HDAC3: variants seen among roughly 807,000 people sequenced by gnomAD.
The protein encoded by HDAC3 is SMAP45.
In HDAC3, 21 loss-of-function variants were observed where a neutral mutation model predicts 62.3. That is an observed-to-expected ratio of 0.34 (90% CI 0.24 to 0.49). The LOEUF is 0.49. HDAC3 is among the 20% of genes least tolerant of loss of function. The pLI is 0.99. For synonymous variants in HDAC3, 198 were observed against 206.5 expected (o/e 0.96, Z 0.35); for missense variants, 270 against 556.9 (o/e 0.48, Z 5.19).
chr5:141,627,864 T>C, intron 10 of HDAC3, 29 bp downstream of exon 10: 1 of 1,612,394 alleles, frequency 6.2e-7, no homozygotes, highest in Non-Finnish European at 8.5e-7. Context: ...CTTAAAAACC[T>C]TGGGGAGAAG....
chr5:141,625,895 G>T lies in HDAC3; in HGVS notation c.979+118C>A. ...ATCTCTTCCCTGCTCTGAGCCCAGGGGTTTAGTCTGCAGAGCTCTGAGAGT... is the reference window on the plus strand; with the variant it reads ...ATCTCTTCCCTGCTCTGAGCCCAGGTGTTTAGTCTGCAGAGCTCTGAGAGT... On this transcript the variant is annotated intron_variant, in intron 12 of 14. Coordinates refer to ENST00000305264, the MANE Select transcript of HDAC3 (RefSeq NM_003883.4). The surrounding 1 kb of genome is among the most constrained non-coding windows in gnomAD (Gnocchi z 4.0). 7.9e-7 allele frequency: 1 copy of T among 1,273,630 alleles called. No homozygotes were observed. Among genetic ancestry groups the T allele is most frequent in the Non-Finnish European group, 1.1e-6 (1 of 870,922 alleles). The allele number at this position is 1,273,630 out of a possible 1,614,324, so 78.9% of individuals were successfully genotyped here.
At position 141,625,237 on chromosome 5, in the gene HDAC3, C is replaced by T; in HGVS notation, c.1188G>A (p.Glu396=). ...TYDRTDEADA[E]ERGPEENYSR... ...TATAGTTCTCCTCAGGACCCCTCTC[C>T]TCTGCATCAGCCTCATCAGTCCTGT... The change falls in exon 14 of 15, where the codon GAG becomes GAA. Residue 396 remains glutamate, a synonymous_variant. Transcript: ENST00000305264. The surrounding 1 kb of genome is among the most constrained non-coding windows in gnomAD (Gnocchi z 4.0). 6.2e-7 allele frequency: 1 copy of T among 1,613,840 alleles called. No individual in the cohort carries two copies. Among genetic ancestry groups the T allele is most frequent in the Non-Finnish European group, 8.5e-7 (1 of 1,179,982 alleles).
intron 14 of HDAC3, chr5:141,624,985 T>C (rs1204497685): frequency 1.4e-5 from 7 of 515,092 alleles, no homozygotes; most frequent in Non-Finnish European, 2.0e-5. Context: ...AGGTCTGGGA[T>C]TGTGTGAACG....
At chr5:141,623,493 T>C (rs1234827390) in intron 14 of HDAC3, among the ~76,000 whole-genome samples, 4 of 152,138 alleles carry the variant, frequency 2.6e-5, no homozygotes, top group African/African-American at 9.7e-5. Context: ...CCTGGAGCTA[T>C]TGATAAAAAA....
In HDAC3 at chr5:141,636,813, G is replaced by A. The variant is rs372850274; in HGVS notation, c.-23C>T. 19 of 1,522,590 alleles carry A rather than the reference G, an allele frequency of 1.2e-5. No individual in the cohort carries two copies. The highest frequency in any genetic ancestry group is 1.0e-4 in the East Asian group (4 of 40,034). 94.3% of individuals were successfully genotyped at this position (1,522,590 alleles called of 1,614,324 possible). On this transcript the variant is annotated 5_prime_UTR_variant, in exon 1 of 15. Transcript: ENST00000305264. ...CATGGTGCCGGCGGGAGCAGGCCCCGCACCTCCGCCGCCCGCCGCCCGCGG... is the reference window on the plus strand; with the variant it reads ...CATGGTGCCGGCGGGAGCAGGCCCCACACCTCCGCCGCCCGCCGCCCGCGG...
intron 3 of HDAC3, among the ~76,000 whole-genome samples, chr5:141,630,449 G>A (rs187906110): frequency 1.2e-3 from 177 of 152,272 alleles, no homozygotes; most frequent in Non-Finnish European, 1.9e-3. Context: ...CATGAGCTCT[G>A]TTTTTCTTAG....
intron 3 of HDAC3, among the ~76,000 whole-genome samples, chr5:141,631,385 C>T (rs1011042689): frequency 1.6e-4 from 25 of 152,218 alleles, no homozygotes; most frequent in Middle Eastern, 3.4e-3. Flanking sequence ...ATGCAATTGT[C>T]AGCTCCAGGA....
At chr5:141,622,733 T>C (rs1170938001) in intron 14 of HDAC3, among the ~76,000 whole-genome samples, 1 of 152,236 alleles carries the variant, frequency 6.6e-6, no homozygotes, top group East Asian at 1.9e-4. Flanking sequence ...CAGTTACTTC[T>C]AAGTGCACAG....
chr5:141,629,793 C>T lies in HDAC3; in HGVS notation c.421-54G>A. 6.2e-7 allele frequency: 1 copy of T among 1,611,352 alleles called. No homozygotes were observed. ...GAAGAGCAATTCCCCTCCCAGCTGC[C>T]CCCCACCATCATCCTAAACACCTAC... On this transcript the variant is annotated intron_variant, in intron 5 of 14. Transcript: ENST00000305264. This position sits in a 1 kb window ranked among gnomAD's most constrained non-coding sequence, Gnocchi z 5.3.
At position 141,629,280 on chromosome 5, in the gene HDAC3, T is replaced by C. The variant is rs1285290709; in HGVS notation, c.503A>G (p.Asp168Gly). The change falls in exon 7 of 15, where the codon GAC becomes GGC. Residue 168 changes from aspartate (D) to glycine (G), a missense_variant. By Grantham distance (94) the Asp-to-Gly change is moderately conservative. Around this residue, in one of 5 missense-constraint regions of HDAC3, gnomAD observed 156 missense variants for 383.9 expected, o/e 0.41. Coordinates refer to ENST00000305264, the MANE Select transcript of HDAC3 (RefSeq NM_003883.4). The surrounding 1 kb of genome is among the most constrained non-coding windows in gnomAD (Gnocchi z 5.3). ...CCCGTCACCATGGTGGATGTCAATG[T>C]CAATGTAGAGCACCCGAGGGTGGTA... ...LKYHPRVLYI[D>G]IDIHHGDGVQ... is the part of the protein sequence containing the mutation. 6.2e-7 allele frequency: 1 copy of C among 1,614,052 alleles called. No homozygotes were observed. Among genetic ancestry groups the C allele is most frequent in the Non-Finnish European group, 8.5e-7 (1 of 1,180,030 alleles).
At chr5:141,634,990 C>A in intron 2 of HDAC3, 37 bp from the exon 3 acceptor site, 1 of 1,607,866 alleles carries the variant, frequency 6.2e-7, no homozygotes. Context: ...CAGGCAGGGT[C>A]AGCCCCACTC....
rs896417934 is a variant in HDAC3, at chr5:141,632,918, G to C, written c.281+1893C>G. On this transcript the variant is annotated intron_variant, in intron 3 of 14. Transcript: ENST00000305264. The stretch of plus-strand genomic sequence containing the variant: ...CAGCCCTGGCTGCTTCTGTCATTAA[G>C]ATCTTTCAGGAAAACAGATTAGTGG... Among the ~76,000 whole-genome samples, 10 of 152,280 alleles carry C rather than the reference G, an allele frequency of 6.6e-5. 1 individual carries two copies. In the East Asian group the frequency reaches 1.9e-3, roughly 29 times the overall value.
rs1244895546 is a variant in HDAC3 at position 141,634,913 on chromosome 5, C to T, written c.179G>A (p.Arg60His). ...GTCAATGTAGTCCTCGGAGTGGAAG[C>T]GGCACATGTCATGTTGGGAGGCCTG... is the stretch of plus-strand genomic sequence containing the variant. ...PYQASQHDMCRFHSEDYIDFL... is the reference protein window; with the variant it reads ...PYQASQHDMCHFHSEDYIDFL... Residue 60 changes from arginine (R) to histidine (H), a missense_variant, in exon 3 of 15, where the codon CGC becomes CAC. Arg to His is a conservative substitution (Grantham distance 29). Coordinates refer to ENST00000305264, the MANE Select transcript of HDAC3 (RefSeq NM_003883.4). 6 of 1,614,068 alleles carry T rather than the reference C, an allele frequency of 3.7e-6. No homozygotes were observed. Among genetic ancestry groups the T allele is most frequent in the Admixed American group, 1.7e-5 (1 of 60,012 alleles).
Position 141,626,799 on chromosome 5 carries a change from TAC to T in HDAC3, c.831-518_831-517del, listed in dbSNP as rs151274069. ...GTGTGTGTGTGTATATATATATATA[TAC>T]ACACACACACACACACACCTCTCAG... On this transcript the variant is annotated intron_variant, in intron 10 of 14. Transcript: ENST00000305264. The surrounding 1 kb of genome is among the most constrained non-coding windows in gnomAD (Gnocchi z 4.6). Among the ~76,000 whole-genome samples, 28,803 of 135,680 alleles carry T rather than the reference TAC, an allele frequency of 0.21. 3,085 individuals carry two copies. The highest frequency in any genetic ancestry group is 0.23 in the African/African-American group (8,496 of 36,802). 89.0% of individuals were successfully genotyped at this position (135,680 alleles called of 152,430 possible).
chr5:141,632,240 G>A (rs2099905334), intron 3 of HDAC3, among the ~76,000 whole-genome samples: 1 of 152,286 alleles, frequency 6.6e-6, no homozygotes, highest in African/African-American at 2.4e-5. Context: ...GGCCAGGCTG[G>A]TCTTGAACTC....
Position 141,636,785 on chromosome 5 carries a change from G to T in HDAC3, c.6C>A (p.Ala2=). 3 of 1,611,010 alleles carry T rather than the reference G, an allele frequency of 1.9e-6. No individual in the cohort carries two copies. Among genetic ancestry groups the T allele is most frequent in the Non-Finnish European group, 2.5e-6 (3 of 1,178,186 alleles). The stretch of plus-strand genomic sequence containing the variant: ...GGTCGTAGAAATAGGCCACGGTCTT[G>T]GCCATGGTGCCGGCGGGAGCAGGCC... M[A]KTVAYFYDPD... is the part of the protein sequence containing the mutation. The change falls in exon 1 of 15, where the codon GCC becomes GCA. Residue 2 remains alanine (A), a synonymous_variant. Coordinates refer to ENST00000305264, the MANE Select transcript of HDAC3 (RefSeq NM_003883.4).
chr5:141,627,974 C>T lies in HDAC3; in HGVS notation c.766-17G>A. On this transcript the variant is annotated splice_polypyrimidine_tract_variant and intron_variant, in intron 9 of 14. Coordinates refer to ENST00000305264, the MANE Select transcript of HDAC3 (RefSeq NM_003883.4). Reference sequence around the variant, plus strand: ...AGCTCCACACTGCAAAAAGCAAAACCCCAGGAAAGTGCAGTGATCAGAACT... The same window carrying T: ...AGCTCCACACTGCAAAAAGCAAAACTCCAGGAAAGTGCAGTGATCAGAACT... 1 of 1,614,056 alleles carries T rather than the reference C, an allele frequency of 6.2e-7. No homozygotes were observed. The highest frequency in any genetic ancestry group is 1.3e-5 in the African/African-American group (1 of 75,020).
chr5:141,627,876 AG>A lies in HDAC3; in HGVS notation c.830+16del. ...CCACTTAAAAACCTTGGGGAGAAGA[AG>A]GAGAGCAAGTCTCACCCATGCCCTC... On this transcript the variant is annotated intron_variant, in intron 10 of 14. Coordinates refer to ENST00000305264, the MANE Select transcript of HDAC3 (RefSeq NM_003883.4). 1 of 1,613,638 alleles carries A rather than the reference AG, an allele frequency of 6.2e-7. No individual in the cohort carries two copies. The highest frequency in any genetic ancestry group is 8.5e-7 in the Non-Finnish European group (1 of 1,179,568).
Position 141,626,594 on chromosome 5 carries a change from C to G in HDAC3, c.831-311G>C. 2.8e-6 allele frequency: 1 copy of G among 357,906 alleles called. No homozygotes were observed. Among genetic ancestry groups the G allele is most frequent in the East Asian group, 6.7e-5 (1 of 14,856 alleles). The allele number at this position is 357,906 out of a possible 1,614,324, so 22.2% of individuals were successfully genotyped here. Reference sequence around the variant, plus strand: ...TCTAGCCTTGAAAATATAACTCACGCCCGGCGCGGTGCTCACGCCTTTGTA... The same window carrying G: ...TCTAGCCTTGAAAATATAACTCACGGCCGGCGCGGTGCTCACGCCTTTGTA... On this transcript the variant is annotated intron_variant, in intron 10 of 14. Transcript: ENST00000305264. The surrounding 1 kb of genome is among the most constrained non-coding windows in gnomAD (Gnocchi z 4.6).
Sources: gnomAD v4.1 joint callset for allele counts (sites outside exome capture counted in the v4.1 genomes callset) on GRCh38, gnomAD v4.1.1 for gene constraint, gnomAD v4.1.1 regional missense constraint, Gnocchi (gnomAD v3.1) non-coding constraint, MANE v1.5 for transcripts, NCBI Gene and HGNC (gene_info 2026-07-23, HGNC 2026-07-21) for gene names.